PCDH15: variants seen among roughly 807,000 people sequenced by gnomAD.
PCDH15 encodes protocadherin related 15, also known as protocadherin-15.
A neutral mutation model predicts 178.5 loss-of-function variants in PCDH15; 129 were observed. The ratio of observed to expected loss-of-function variants is 0.72; its 90% CI spans 0.63 to 0.84. PCDH15 has a LOEUF of 0.84. PCDH15 is among the 40% of genes least tolerant of loss of function. The pLI is 0.00. For missense variants in PCDH15, 2,230 were observed against 2,099.9 expected (o/e 1.06, Z -1.21); for synonymous variants, 800 against 732.0 (o/e 1.09, Z -1.50).
At chr10:54,871,904 G>A (rs1297455823) in intron 3 of PCDH15, among the ~76,000 whole-genome samples, 1 of 152,020 alleles carries the variant, frequency 6.6e-6, no homozygotes, top group Non-Finnish European at 1.5e-5. Flanking sequence ...ACTACTGTGA[G>A]TGTAATACTT....
chr10:54,760,422 C>A (rs1947720169), intron 1 of PCDH15, among the ~76,000 whole-genome samples: 1 of 152,142 alleles, frequency 6.6e-6, no homozygotes, highest in South Asian at 2.1e-4. Context: ...TCTCCTCCCA[C>A]ACACACCACC....
chr10:53,862,172 C>A (rs528287680), intron 27 of PCDH15, among the ~76,000 whole-genome samples: 61 of 152,140 alleles, frequency 4.0e-4, no homozygotes, highest in African/African-American at 1.4e-3. Flanking sequence ...CTGCCTCATT[C>A]TCCCGAGTAT....
intron 2 of PCDH15, among the ~76,000 whole-genome samples, chr10:55,592,281 C>A (rs1842858057): frequency 6.6e-6 from 1 of 152,118 alleles, no homozygotes; most frequent in African/African-American, 2.4e-5. Context: ...CAGTGGGGTT[C>A]AGCCAATAAA....
chr10:55,270,313 T>C (rs1430025503), intron 1 of PCDH15, among the ~76,000 whole-genome samples: 2 of 151,922 alleles, frequency 1.3e-5, no homozygotes, highest in Non-Finnish European at 2.9e-5. Context: ...AAAGAGTGTC[T>C]GCACAGAAAA....
At chr10:55,541,654 AAAC>A (rs1438363026) in intron 2 of PCDH15, among the ~76,000 whole-genome samples, 1 of 151,988 alleles carries the variant, frequency 6.6e-6, no homozygotes, top group East Asian at 1.9e-4. Context: ...ATATTTTCAG[AAAC>A]AACTGAACTA....
rs183187570 is a variant in PCDH15, at chr10:55,518,462, C to T, written c.-156+109163G>A. ...AGCCTCATGCATTTCAAGGAAATCA[C>T]TTCTCTTCTGACTACAAGCAGACAG... On this transcript the variant is annotated intron_variant, in intron 2 of 5. Transcript: ENST00000613346. 2.1e-3 allele frequency among the ~76,000 whole-genome samples: 321 copies of T among 152,036 alleles called. 1 individual carries two copies. The highest frequency in any genetic ancestry group is 3.4e-3 in the Admixed American group (52 of 15,232).
At chr10:55,500,818 C>T (rs978516320) in intron 2 of PCDH15, among the ~76,000 whole-genome samples, 3 of 151,682 alleles carry the variant, frequency 2.0e-5, no homozygotes, top group Non-Finnish European at 4.4e-5. Flanking sequence ...ACTTTTAACC[C>T]AAATACATAT....
chr10:55,283,858 C>G (rs1428184702), intron 1 of PCDH15, among the ~76,000 whole-genome samples: 2 of 152,048 alleles, frequency 1.3e-5, no homozygotes, highest in Non-Finnish European at 1.5e-5. Flanking sequence ...AGAAGAACAA[C>G]TCATAGAAAT....
intron 1 of PCDH15, among the ~76,000 whole-genome samples, chr10:54,668,032 C>T (rs2033762858): frequency 6.6e-6 from 1 of 151,964 alleles, no homozygotes; most frequent in African/African-American, 2.4e-5. Context: ...TTATTCAAGA[C>T]AAACATACTA....
intron 14 of PCDH15, among the ~76,000 whole-genome samples, chr10:54,135,350 C>T (rs1254774681): frequency 2.0e-5 from 3 of 151,680 alleles, no homozygotes; most frequent in African/African-American, 4.9e-5. Flanking sequence ...TCAAAATTTG[C>T]CAATACAGTT....
At chr10:54,614,040 T>G (rs2134290906) in intron 2 of PCDH15, among the ~76,000 whole-genome samples, 1 of 152,054 alleles carries the variant, frequency 6.6e-6, no homozygotes, top group African/African-American at 2.4e-5. Context: ...AAAGACAAAG[T>G]GGATAAAAAA....
intron 23 of PCDH15, among the ~76,000 whole-genome samples, chr10:53,953,563 G>GA (rs199950756): frequency 3.3e-4 from 48 of 146,806 alleles, no homozygotes; most frequent in South Asian, 4.3e-4. Context: ...CACAGGATTT[G>GA]AAAAAAAAAA....
intron 2 of PCDH15, among the ~76,000 whole-genome samples, chr10:55,072,211 T>G (rs948982886): frequency 6.6e-6 from 1 of 151,912 alleles, no homozygotes; most frequent in African/African-American, 2.4e-5. Flanking sequence ...AGCAAACACA[T>G]TCAAAAGCTA....
At chr10:53,868,478 C>A (rs780709949) in intron 26 of PCDH15, among the ~76,000 whole-genome samples, 1 of 152,094 alleles carries the variant, frequency 6.6e-6, no homozygotes, top group African/African-American at 2.4e-5. Flanking sequence ...ATGTTCTTAA[C>A]CAGCTCTGTC....
intron 3 of PCDH15, among the ~76,000 whole-genome samples, chr10:54,865,581 G>C (rs1048957149): frequency 6.6e-6 from 1 of 152,056 alleles, no homozygotes; most frequent in Non-Finnish European, 1.5e-5. Flanking sequence ...CCACCCCCGG[G>C]ATCCAATCAC....
chr10:55,574,725 C>A (rs1340807272), intron 2 of PCDH15, among the ~76,000 whole-genome samples: 2 of 151,866 alleles, frequency 1.3e-5, no homozygotes, highest in South Asian at 2.1e-4. Context: ...ACAGAACCAA[C>A]AATATAATAG....
chr10:55,245,352 A>G (rs1397806266), intron 1 of PCDH15, among the ~76,000 whole-genome samples: 1 of 152,150 alleles, frequency 6.6e-6, no homozygotes, highest in Admixed American at 6.6e-5. Flanking sequence ...AAACAAAGTA[A>G]TTAAAAATAA....
At chr10:54,916,978 C>A (rs1424522519) in intron 2 of PCDH15, among the ~76,000 whole-genome samples, 1 of 151,996 alleles carries the variant, frequency 6.6e-6, no homozygotes. Context: ...ACATAATACA[C>A]AGAAAACAAG....
At chr10:55,240,983 A>G (rs967298448) in intron 1 of PCDH15, among the ~76,000 whole-genome samples, 4 of 152,160 alleles carry the variant, frequency 2.6e-5, no homozygotes, top group African/African-American at 7.2e-5. Context: ...TTGGGAGGCC[A>G]AGGCGGGCGG....
Sources: allele counts gnomAD v4.1 joint callset (sites outside exome capture counted in the v4.1 genomes callset), GRCh38; gene constraint gnomAD v4.1.1; transcripts MANE v1.5; gene names NCBI Gene and HGNC (gene_info 2026-07-23, HGNC 2026-07-21).